The following INTS6 variants were observed in gnomAD, a reference collection of about 807,000 sequenced individuals.
INTS6 encodes the protein integrator complex subunit 6.
A neutral mutation model predicts 104.9 loss-of-function variants in INTS6; 16 were observed. The observed-to-expected ratio is 0.15, with a 90% CI of 0.10 to 0.23. INTS6 has a LOEUF of 0.23. Among genes scored for constraint, INTS6 ranks in the 10% least tolerant of loss-of-function variants. The pLI is 1.00. For missense variants in INTS6, 584 were observed against 1,062.8 expected, an observed-to-expected ratio of 0.55 and a Z score of 6.26; for synonymous variants, 324 against 358.7, an observed-to-expected ratio of 0.90 and a Z score of 1.09.
chr13:51,412,622 AG>A (rs536087958), intron 4 of INTS6, among the ~76,000 whole-genome samples: 4 of 152,222 alleles, frequency 2.6e-5, no homozygotes, highest in Non-Finnish European at 5.9e-5. Flanking sequence ...CTGTATGTGC[AG>A]CTCTCTCCCT....
chr13:51,399,707 G>GTGTGTGTGT lies in INTS6; in HGVS notation c.430-4225_430-4224insACACACACA, dbSNP rs1566225524. Among the ~76,000 whole-genome samples the GTGTGTGTGT allele has an allele frequency of 8.8e-5, 13 of 148,302 alleles. No homozygotes were observed. The East Asian group carries it at 2.6e-3, about 29-fold the overall frequency. ...TGTCTTTTTCATGTTAGCCATTGTG[G>GTGTGTGTGT]GTGTGTGTGTGTGTGCGTGTGTGTG... On this transcript the variant is annotated intron_variant, in intron 4 of 17. Coordinates refer to ENST00000311234, the MANE Select transcript of INTS6 (RefSeq NM_012141.3).
intron 4 of INTS6, among the ~76,000 whole-genome samples, chr13:51,400,947 T>C (rs775961913): frequency 4.6e-5 from 7 of 152,192 alleles, no homozygotes; most frequent in Non-Finnish European, 8.8e-5. Flanking sequence ...GAAACTTTTA[T>C]ATTCCTTATT....
chr13:51,443,302 T>A (rs1441403290), intron 3 of INTS6: 1 of 152,070 alleles, frequency 6.6e-6, no homozygotes, highest in Non-Finnish European at 1.5e-5. Flanking sequence ...AAAATAATAA[T>A]AAAACACAGA....
intron 4 of INTS6, among the ~76,000 whole-genome samples, chr13:51,395,755 T>C (rs561976435): frequency 3.9e-5 from 6 of 152,222 alleles, no homozygotes; most frequent in Non-Finnish European, 7.3e-5. Flanking sequence ...GGGTGCTGAA[T>C]TGCTTCCAAA....
chr13:51,421,133 C>T, intron 4 of INTS6: 1 of 985,812 alleles, frequency 1.0e-6, no homozygotes. Context: ...TTTCTGAGGC[C>T]TTCCGAGATG....
chr13:51,386,386 A>T (rs80212380), intron 7 of INTS6, among the ~76,000 whole-genome samples: 1,729 of 152,330 alleles, frequency 0.011, 26 homozygotes, highest in East Asian at 0.071. Flanking sequence ...TCCAGAAAAG[A>T]AAGTAAAATG....
At chr13:51,449,725 A>G (rs1373690604) in intron 3 of INTS6, 2 of 985,326 alleles carry the variant, frequency 2.0e-6, no homozygotes, top group Non-Finnish European at 2.4e-6. Context: ...GGAATATAAA[A>G]GAGAAGGAAA....
At position 51,447,244 on chromosome 13, in the gene INTS6, A is replaced by T. The variant is rs1306114319; in HGVS notation, c.339+3781T>A. On this transcript the variant is annotated intron_variant, in intron 3 of 17. Transcript: ENST00000311234. ...TAATCTAAGAGAAACCAAGCACCCA[A>T]ATGGAAATGGAGTTCTCACTACTTC... is the stretch of plus-strand genomic sequence containing the variant. 3.9e-5 allele frequency: 6 copies of T among 152,284 alleles called. No homozygotes were observed. In the East Asian group the frequency reaches 1.2e-3, roughly 29 times the overall value. The allele number at this position is 152,284 out of a possible 1,614,324, so 9.4% of individuals were successfully genotyped here.
chr13:51,383,216 A>AG (rs1956085096), intron 9 of INTS6, 113 bp downstream of exon 9: 1 of 863,336 alleles, frequency 1.2e-6, no homozygotes, highest in Non-Finnish European at 1.7e-6. Context: ...AACATTTTAG[A>AG]ATATTCAAAA....
chr13:51,411,599 A>G (rs1281782670), intron 4 of INTS6, among the ~76,000 whole-genome samples: 1 of 152,096 alleles, frequency 6.6e-6, no homozygotes, highest in African/African-American at 2.4e-5. Context: ...GATTTTCAAT[A>G]TATTTAGTTA....
At chr13:51,359,057 T>C (rs917261309), downstream of INTS6, among the ~76,000 whole-genome samples, 4 of 152,086 alleles carry the variant, frequency 2.6e-5, no homozygotes, top group Non-Finnish European at 5.9e-5. Context: ...ATCTCCCACA[T>C]ATAATTAATC....
chr13:51,342,553 ATG>A, the INTS6 span, among the ~76,000 whole-genome samples: 1 of 152,164 alleles, frequency 6.6e-6, no homozygotes, highest in Non-Finnish European at 1.5e-5. Context: ...CTGTGTGCAA[ATG>A]TGCATGGACA....
chr13:51,351,576 G>T (rs1453690327), downstream of INTS6, among the ~76,000 whole-genome samples: 1 of 152,046 alleles, frequency 6.6e-6, no homozygotes, highest in East Asian at 1.9e-4. Flanking sequence ...TTGTCATTCT[G>T]TGGTTTTTCT....
chr13:51,410,015 A>G (rs61956947), intron 4 of INTS6, among the ~76,000 whole-genome samples: 3,665 of 152,296 alleles, frequency 0.024, 57 homozygotes, highest in South Asian at 0.059. Context: ...TAACATCAAA[A>G]TATATAAAAT....
At chr13:51,429,855 T>C (rs777966465) in intron 4 of INTS6, among the ~76,000 whole-genome samples, 2 of 149,044 alleles carry the variant, frequency 1.3e-5, no homozygotes, top group East Asian at 2.0e-4. Flanking sequence ...CGAAAAACCT[T>C]ACTTTTCCTA....
At chr13:51,380,600 T>C (rs2137909978) in intron 10 of INTS6, among the ~76,000 whole-genome samples, 1 of 152,298 alleles carries the variant, frequency 6.6e-6, no homozygotes, top group South Asian at 2.1e-4. Flanking sequence ...CTATAAAATG[T>C]CATGATTTTT....
At position 51,361,933 on chromosome 13, in the gene INTS6, A is replaced by T; in HGVS notation, c.*3819T>A. 1 of 1,611,980 alleles carries T rather than the reference A, an allele frequency of 6.2e-7. No homozygotes were observed. Reference sequence around the variant, plus strand: ...TTTGACAGGATTCAGATAATTTATCAGTGTCTCTCTAGCAACAAGGGCTCA... The same window carrying T: ...TTTGACAGGATTCAGATAATTTATCTGTGTCTCTCTAGCAACAAGGGCTCA... On this transcript the variant is annotated 3_prime_UTR_variant, in exon 18 of 18. Coordinates refer to ENST00000311234, the MANE Select transcript of INTS6 (RefSeq NM_012141.3).
chr13:51,407,080 G>GA (rs572557426), intron 4 of INTS6, among the ~76,000 whole-genome samples: 188 of 136,930 alleles, frequency 1.4e-3, no homozygotes, highest in Middle Eastern at 3.7e-3. Context: ...CCTTTCAGAG[G>GA]AAAAAAAAAA....
At chr13:51,334,747 C>G in the INTS6 span, among the ~76,000 whole-genome samples, 1 of 151,620 alleles carries the variant, frequency 6.6e-6, no homozygotes, top group East Asian at 1.9e-4. Context: ...TTTGGGAGGC[C>G]GAGGCAGGTG....
Sources: gnomAD v4.1 joint callset for allele counts (sites outside exome capture counted in the v4.1 genomes callset) on GRCh38, gnomAD v4.1.1 for gene constraint, MANE v1.5 for transcripts, NCBI Gene and HGNC (gene_info 2026-07-23, HGNC 2026-07-21) for gene names.